Variants in XRCC4 observed in about 807,000 individuals in gnomAD.
XRCC4 encodes DNA repair protein XRCC4.
Under a neutral mutation model 39.1 loss-of-function variants are expected in XRCC4, and 28 were observed. The ratio of observed to expected loss-of-function variants is 0.72; its 90% CI spans 0.53 to 0.98. The LOEUF is 0.98. Among genes scored for constraint, XRCC4 ranks in the 50% least tolerant of loss-of-function variants. The probability of loss-of-function intolerance (pLI) is 0.00; values close to 1 mark genes in which losing one functional copy is unlikely to be tolerated. For synonymous variants in XRCC4, 123 were observed against 126.4 expected, an observed-to-expected ratio of 0.97 and a Z score of 0.18; for missense variants, 350 against 376.4, an observed-to-expected ratio of 0.93 and a Z score of 0.58.
chr5:83,115,203 G>A (rs910491342), intron 3 of XRCC4, among the ~76,000 whole-genome samples: 6 of 152,066 alleles, frequency 3.9e-5, no homozygotes, highest in African/African-American at 7.3e-5. Context: ...TGAGATGGGC[G>A]GATCACCTGA....
chr5:83,347,576 A>G (rs1756953934), intron 7 of XRCC4, among the ~76,000 whole-genome samples: 1 of 152,186 alleles, frequency 6.6e-6, no homozygotes. Context: ...GTCTGCCCCC[A>G]TGATCCAGTC....
At chr5:83,309,798 G>A (rs541864971) in intron 7 of XRCC4, among the ~76,000 whole-genome samples, 8 of 146,826 alleles carry the variant, frequency 5.4e-5, no homozygotes, top group Non-Finnish European at 1.0e-4. Context: ...AAGGTTTTAG[G>A]AACAAAAGGG....
intron 6 of XRCC4, among the ~76,000 whole-genome samples, chr5:83,252,593 TA>T (rs1345418212): frequency 2.0e-5 from 3 of 152,166 alleles, no homozygotes; most frequent in Non-Finnish European, 4.4e-5. Flanking sequence ...CTTTTTTATT[TA>T]AAAATATTTG....
chr5:83,152,763 T>C lies in XRCC4; in HGVS notation c.315+41560T>C, dbSNP rs553397737. ...AAATTTTGACATAATTGTAGATTCATATGCAGCTACAGAAGTAATATTTAC... is the reference window on the plus strand; with the variant it reads ...AAATTTTGACATAATTGTAGATTCACATGCAGCTACAGAAGTAATATTTAC... On this transcript the variant is annotated intron_variant, in intron 3 of 7. Coordinates refer to ENST00000396027, the MANE Select transcript of XRCC4 (RefSeq NM_003401.5). 2.6e-5 allele frequency among the ~76,000 whole-genome samples: 4 copies of C among 152,304 alleles called. No individual in the cohort carries two copies. The South Asian group carries it at 8.3e-4, about 32-fold the overall frequency.
chr5:83,139,773 G>A (rs1283604981), intron 3 of XRCC4, among the ~76,000 whole-genome samples: 6 of 152,048 alleles, frequency 3.9e-5, no homozygotes, highest in Non-Finnish European at 8.8e-5. Flanking sequence ...GTAAATCTTT[G>A]TGTATCTACA....
intron 6 of XRCC4, among the ~76,000 whole-genome samples, chr5:83,256,651 A>C (rs1552910): frequency 0.011 from 1,676 of 152,112 alleles, 16 homozygotes; most frequent in African/African-American, 0.036. Flanking sequence ...AAAAAAAAAA[A>C]AACTTCCTTT....
chr5:83,190,008 G>A (rs557981010), intron 3 of XRCC4, among the ~76,000 whole-genome samples: 14 of 152,304 alleles, frequency 9.2e-5, no homozygotes, highest in Admixed American at 3.3e-4. Context: ...AGCTTGCAAT[G>A]AGCCAGGGTC....
chr5:83,167,342 T>C (rs952067710), intron 3 of XRCC4, among the ~76,000 whole-genome samples: 3 of 152,186 alleles, frequency 2.0e-5, no homozygotes, highest in Non-Finnish European at 2.9e-5. Context: ...TCCAGTGATA[T>C]TCATGAAAGT....
chr5:83,322,516 G>A (rs192027228), intron 7 of XRCC4, among the ~76,000 whole-genome samples: 200 of 152,242 alleles, frequency 1.3e-3, no homozygotes, highest in African/African-American at 4.6e-3. Flanking sequence ...CGCCGCATGC[G>A]CATGTCCTAA....
chr5:83,154,586 ATTTG>A (rs1748868632), intron 3 of XRCC4, among the ~76,000 whole-genome samples: 1 of 152,054 alleles, frequency 6.6e-6, no homozygotes, highest in African/African-American at 2.4e-5. Flanking sequence ...ATTATTAACT[ATTTG>A]TTCTTTCCCT....
intron 7 of XRCC4, among the ~76,000 whole-genome samples, chr5:83,277,402 A>G (rs1443897369): frequency 6.6e-6 from 1 of 152,220 alleles, no homozygotes; most frequent in Non-Finnish European, 1.5e-5. Flanking sequence ...CTGCCCTGTC[A>G]TCCTGGATCC....
intron 7 of XRCC4, among the ~76,000 whole-genome samples, chr5:83,290,854 C>G (rs1366298615): frequency 6.6e-6 from 1 of 151,812 alleles, no homozygotes; most frequent in Non-Finnish European, 1.5e-5. Flanking sequence ...TAAAGACTTA[C>G]TCTTCCTTAG....
At chr5:83,194,214 G>A (rs1045532628) in intron 3 of XRCC4, among the ~76,000 whole-genome samples, 1 of 152,186 alleles carries the variant, frequency 6.6e-6, no homozygotes, top group African/African-American at 2.4e-5. Context: ...CCAAAGTGTT[G>A]GGATTACAGG....
intron 7 of XRCC4, among the ~76,000 whole-genome samples, chr5:83,320,806 T>C (rs1756043096): frequency 6.8e-6 from 1 of 146,740 alleles, no homozygotes; most frequent in Non-Finnish European, 1.5e-5. Context: ...GTTATGTACT[T>C]CTTTTTTTTT....
intron 1 of XRCC4, among the ~76,000 whole-genome samples, chr5:83,092,857 TGAA>T (rs1745491073): frequency 6.6e-6 from 1 of 151,984 alleles, no homozygotes; most frequent in Admixed American, 6.6e-5. Flanking sequence ...TTGCAAGAGA[TGAA>T]GAAGGAAACA....
At chr5:83,211,171 TG>T (rs770781144) in intron 6 of XRCC4, among the ~76,000 whole-genome samples, 25 of 152,190 alleles carry the variant, frequency 1.6e-4, no homozygotes, top group Admixed American at 8.5e-4. Context: ...TGCTGAAGTT[TG>T]GGTAAGAACT....
intron 7 of XRCC4, among the ~76,000 whole-genome samples, chr5:83,319,889 T>C (rs1034914849): frequency 1.1e-5 from 1 of 93,072 alleles, no homozygotes; most frequent in African/African-American, 4.3e-5. Flanking sequence ...ATCATGCTGC[T>C]ATAAAGACAC....
chr5:83,262,814 A>G (rs1463463073), intron 7 of XRCC4, among the ~76,000 whole-genome samples: 2 of 150,152 alleles, frequency 1.3e-5, no homozygotes, highest in South Asian at 2.1e-4. Context: ...TTAATTAGCT[A>G]GGACTACACA....
chr5:83,222,422 C>A (rs1397415846), intron 6 of XRCC4, among the ~76,000 whole-genome samples: 1 of 152,124 alleles, frequency 6.6e-6, no homozygotes, highest in Non-Finnish European at 1.5e-5. Context: ...TATTTTTAGA[C>A]CTCATAAAAC....
Sources: allele counts gnomAD v4.1 joint callset (sites outside exome capture counted in the v4.1 genomes callset), GRCh38; gene constraint gnomAD v4.1.1; transcripts MANE v1.5; gene names NCBI Gene and HGNC (gene_info 2026-07-23, HGNC 2026-07-21).